SDK1: variants seen among roughly 807,000 people sequenced by gnomAD.
The protein encoded by SDK1 is sidekick cell adhesion molecule 1.
Under a neutral mutation model 245.5 loss-of-function variants are expected in SDK1, and 157 were observed. That is an observed-to-expected ratio of 0.64 (90% CI 0.56 to 0.73). SDK1 has a LOEUF of 0.73. SDK1 is among the 30% of genes least tolerant of loss of function. The pLI, the probability that SDK1 is intolerant of heterozygous loss-of-function variation, is 0.00. For missense variants in SDK1, 3,583 were observed against 3,002.3 expected, an observed-to-expected ratio of 1.19 and a Z score of -4.52; for synonymous variants, 1,647 against 1,278.5, an observed-to-expected ratio of 1.29 and a Z score of -6.15.
chr7:3,744,831 A>C (rs1039309869), intron 4 of SDK1, among the ~76,000 whole-genome samples: 3 of 152,184 alleles, frequency 2.0e-5, no homozygotes, highest in East Asian at 1.9e-4. Flanking sequence ...AACAAACAAA[A>C]AAAAACAAAA....
intron 37 of SDK1, among the ~76,000 whole-genome samples, chr7:4,209,508 G>A (rs80113869): frequency 0.011 from 1,670 of 152,246 alleles, 33 homozygotes; most frequent in African/African-American, 0.038. Context: ...CTCCCTCCCC[G>A]CTCCAGACCC....
chr7:3,618,311 C>A (rs1781831413), intron 1 of SDK1, among the ~76,000 whole-genome samples: 1 of 152,164 alleles, frequency 6.6e-6, no homozygotes, highest in African/African-American at 2.4e-5. Context: ...CGTCGCTATC[C>A]CATCCCTCAG....
chr7:4,244,196 C>T (rs34861141), intron 43 of SDK1, among the ~76,000 whole-genome samples: 4 of 152,048 alleles, frequency 2.6e-5, no homozygotes, highest in Non-Finnish European at 5.9e-5. Context: ...GGCCTGTAGC[C>T]TCTCCTTGAT....
chr7:4,018,700 G>T (rs570323312), intron 17 of SDK1, among the ~76,000 whole-genome samples: 1 of 152,154 alleles, frequency 6.6e-6, no homozygotes, highest in South Asian at 2.1e-4. Flanking sequence ...AGAGGGAAGT[G>T]GATCTCCACC....
intron 5 of SDK1, among the ~76,000 whole-genome samples, chr7:3,850,709 G>C (rs1051727410): frequency 2.0e-5 from 3 of 152,136 alleles, no homozygotes; most frequent in African/African-American, 7.2e-5. Flanking sequence ...CTTTTGTAGG[G>C]ACATGGATGA....
intron 5 of SDK1, among the ~76,000 whole-genome samples, chr7:3,857,771 T>C (rs1583483049): frequency 6.6e-6 from 1 of 151,940 alleles, no homozygotes; most frequent in East Asian, 1.9e-4. Flanking sequence ...AGATAGAAGA[T>C]AGATATGGAA....
intron 4 of SDK1, among the ~76,000 whole-genome samples, chr7:3,799,673 C>T (rs1261012389): frequency 6.8e-6 from 1 of 147,356 alleles, no homozygotes; most frequent in African/African-American, 2.5e-5. Flanking sequence ...CCACTGCACT[C>T]CAGCCTGGGC....
intron 1 of SDK1, among the ~76,000 whole-genome samples, chr7:3,325,101 T>A (rs141812131): frequency 6.6e-6 from 1 of 152,104 alleles, no homozygotes; most frequent in Non-Finnish European, 1.5e-5. Context: ...CTTAAAGTTC[T>A]CTACCAAACC....
intron 20 of SDK1, among the ~76,000 whole-genome samples, chr7:4,071,124 A>C (rs1780231713): frequency 6.6e-6 from 1 of 152,146 alleles, no homozygotes; most frequent in African/African-American, 2.4e-5. Context: ...CTCCCGGTTC[A>C]AATGATTCTC....
At chr7:4,178,669 C>A in intron 35 of SDK1, 83 bp downstream of exon 35, 1 of 944,434 alleles carries the variant, frequency 1.1e-6, no homozygotes. Context: ...CCAAGCCCCT[C>A]AGGTGTCCAG....
At chr7:3,340,490 T>C (rs1203731708) in intron 1 of SDK1, among the ~76,000 whole-genome samples, 3 of 152,144 alleles carry the variant, frequency 2.0e-5, no homozygotes, top group African/African-American at 7.2e-5. Context: ...TGGCCAGGTA[T>C]GGTGGCTCAC....
chr7:3,483,029 C>T (rs1207281976), intron 1 of SDK1, among the ~76,000 whole-genome samples: 1 of 151,398 alleles, frequency 6.6e-6, no homozygotes, highest in African/African-American at 2.5e-5. Flanking sequence ...TAACACTTGT[C>T]ATATTGTAAA....
intron 4 of SDK1, among the ~76,000 whole-genome samples, chr7:3,733,877 A>G (rs1779248049): frequency 6.6e-6 from 1 of 152,154 alleles, no homozygotes; most frequent in East Asian, 1.9e-4. Context: ...GCACATAAGA[A>G]TCACCTAGGA....
chr7:3,653,445 G>T lies in SDK1; in HGVS notation c.713+11340G>T, dbSNP rs527424605. ...AGGATGGGGGCCAAGATTGCATGGA[G>T]GGGCAGATCAGTGGTGGTGAGAAGT... On this transcript the variant is annotated intron_variant, in intron 4 of 44. Coordinates refer to ENST00000404826, the MANE Select transcript of SDK1 (RefSeq NM_152744.4). 2.8e-4 allele frequency among the ~76,000 whole-genome samples: 43 copies of T among 152,266 alleles called. No individual in the cohort carries two copies. The South Asian group carries it at 8.5e-3, about 30-fold the overall frequency.
intron 4 of SDK1, among the ~76,000 whole-genome samples, chr7:3,762,292 G>T (rs1402182936): frequency 6.6e-6 from 1 of 152,190 alleles, no homozygotes; most frequent in Non-Finnish European, 1.5e-5. Context: ...TGGTCCTGAT[G>T]ATGGCATTTG....
At chr7:3,437,129 G>A (rs1583856085) in intron 1 of SDK1, among the ~76,000 whole-genome samples, 1 of 152,124 alleles carries the variant, frequency 6.6e-6, no homozygotes, top group South Asian at 2.1e-4. Flanking sequence ...AAATCAATAC[G>A]GGACATTTTA....
intron 4 of SDK1, among the ~76,000 whole-genome samples, chr7:3,684,552 C>CT (rs1312934903): frequency 6.6e-6 from 1 of 152,148 alleles, no homozygotes. Flanking sequence ...ATGCAAAGGT[C>CT]TTATTATATC....
chr7:3,719,003 A>C (rs761791256), intron 4 of SDK1, among the ~76,000 whole-genome samples: 1 of 152,226 alleles, frequency 6.6e-6, no homozygotes, highest in Non-Finnish European at 1.5e-5. Context: ...TAAAAATACA[A>C]TAATACAATG....
In SDK1 at chr7:4,145,992, C is replaced by T. The variant is rs566783874; in HGVS notation, c.4423+76C>T. ...CCTCAATCAGGCCCTCTGGGGTCTG[C>T]GGGGTACCTGGGAGGCTTCGGCCTT... On this transcript the variant is annotated intron_variant, in intron 29 of 44. Transcript: ENST00000404826. 434 of 1,334,402 alleles carry T rather than the reference C, an allele frequency of 3.3e-4. 4 individuals carry two copies. The South Asian group carries it at 5.7e-3, about 17-fold the overall frequency. 82.7% of individuals were successfully genotyped at this position (1,334,402 alleles called of 1,614,324 possible).
Sources: allele counts gnomAD v4.1 joint callset (sites outside exome capture counted in the v4.1 genomes callset), GRCh38; gene constraint gnomAD v4.1.1; transcripts MANE v1.5; gene names NCBI Gene and HGNC (gene_info 2026-07-23, HGNC 2026-07-21).